The following REEP3 variants were observed in gnomAD, a reference collection of about 807,000 sequenced individuals.
The protein encoded by REEP3 is receptor expression-enhancing protein 3.
A neutral mutation model predicts 41.3 loss-of-function variants in REEP3; 20 were observed. The ratio of observed to expected loss-of-function variants is 0.48; its 90% CI spans 0.34 to 0.70. REEP3 has a LOEUF of 0.70. Ranked by LOEUF, REEP3 falls within the 30% of genes least tolerant of loss-of-function variation. REEP3 has a pLI of 0.01. For synonymous variants in REEP3, 104 were observed against 101.8 expected (o/e 1.02, Z -0.13); for missense variants, 271 against 308.8 (o/e 0.88, Z 0.92).
chr10:63,535,182 A>G (rs1213903399), intron 1 of REEP3, among the ~76,000 whole-genome samples: 1 of 152,162 alleles, frequency 6.6e-6, no homozygotes. Context: ...GCCAAAATAA[A>G]GGGGTCAAGT....
intron 1 of REEP3, among the ~76,000 whole-genome samples, chr10:63,542,615 A>G (rs1955538933): frequency 6.6e-6 from 1 of 152,236 alleles, no homozygotes; most frequent in Admixed American, 6.5e-5. Context: ...TTCCTTTAAA[A>G]CAATCCATTT....
At chr10:63,528,638 G>A (rs1955389153) in intron 1 of REEP3, among the ~76,000 whole-genome samples, 1 of 152,132 alleles carries the variant, frequency 6.6e-6, no homozygotes, top group Non-Finnish European at 1.5e-5. Context: ...TCCTTATGAT[G>A]GTCTACAAAC....
intron 5 of REEP3, chr10:63,599,790 G>T (rs1956156329): frequency 1.7e-6 from 1 of 582,216 alleles, no homozygotes; most frequent in Non-Finnish European, 2.2e-6. Flanking sequence ...AATGTCATTT[G>T]TTGTGTTTGC....
chr10:63,571,336 AG>A (rs1294397382), intron 2 of REEP3, among the ~76,000 whole-genome samples: 1 of 152,232 alleles, frequency 6.6e-6, no homozygotes, highest in African/African-American at 2.4e-5. Context: ...CCTAGAGGTC[AG>A]AAACCTAAAA....
intron 2 of REEP3, among the ~76,000 whole-genome samples, chr10:63,568,607 T>C (rs1477083461): frequency 6.8e-6 from 1 of 147,734 alleles, no homozygotes; most frequent in African/African-American, 2.5e-5. Flanking sequence ...TCACTAGAAA[T>C]AAAGAAATGA....
Position 63,594,811 on chromosome 10 carries a change from C to G in REEP3, c.139C>G (p.Leu47Val), listed in dbSNP as rs747849286. 8 of 1,612,404 alleles carry G rather than the reference C, an allele frequency of 5.0e-6. No individual in the cohort carries two copies. Among genetic ancestry groups the G allele is most frequent in the Non-Finnish European group, 6.8e-6 (8 of 1,178,684 alleles). The change falls in exon 3 of 8, where the codon CTC becomes GTC. Residue 47 changes from leucine to valine, a missense_variant. Physicochemically the swap from Leu to Val is conservative, Grantham distance 32. Coordinates refer to ENST00000373758, the MANE Select transcript of REEP3 (RefSeq NM_001001330.3). ...GATGATGTACTGGATTGTTTTTGCT[C>G]TCTATACTGTGATTGAAACAGTAGC... ...RWMMYWIVFA[L>V]YTVIETVADQ...
intron 6 of REEP3, among the ~76,000 whole-genome samples, chr10:63,612,082 GAACCATC>G (rs1208131107): frequency 1.3e-5 from 2 of 152,092 alleles, no homozygotes; most frequent in Non-Finnish European, 2.9e-5. Flanking sequence ...TGAGAGAGAG[GAACCATC>G]AGTCTTAATA....
In REEP3 at chr10:63,599,869, G is replaced by T. The variant is rs575215975; in HGVS notation, c.417+586G>T. On this transcript the variant is annotated intron_variant, in intron 5 of 7. Transcript: ENST00000373758. Reference sequence around the variant, plus strand: ...ATGGTTTTGGATTTCTTTGCATGTTGTAATTTGTGTGATTTATTTTAAATA... The same window carrying T: ...ATGGTTTTGGATTTCTTTGCATGTTTTAATTTGTGTGATTTATTTTAAATA... 3.9e-5 allele frequency among the ~76,000 whole-genome samples: 6 copies of T among 152,278 alleles called. No individual in the cohort carries two copies. The South Asian group carries it at 1.0e-3, about 26-fold the overall frequency.
In REEP3 at chr10:63,621,887, T is replaced by TG. The variant is rs1956355838; in HGVS notation, c.*1018_*1019insG. 1 of 152,228 alleles carries TG rather than the reference T, an allele frequency of 6.6e-6. No homozygotes were observed. Among genetic ancestry groups the TG allele is most frequent in the Middle Eastern group, 3.2e-3 (1 of 316 alleles). The allele number at this position is 152,228 out of a possible 1,614,324, so 9.4% of individuals were successfully genotyped here. ...GCTTGGCATTGACATGTGCTGCTAG[T>TG]TTATAAACTGGCATTGACGAAAATC... On this transcript the variant is annotated 3_prime_UTR_variant, in exon 8 of 8. Coordinates refer to ENST00000373758, the MANE Select transcript of REEP3 (RefSeq NM_001001330.3).
intron 2 of REEP3, among the ~76,000 whole-genome samples, chr10:63,582,983 GT>G (rs1015223288): frequency 4.6e-5 from 7 of 151,818 alleles, no homozygotes; most frequent in African/African-American, 1.5e-4. Flanking sequence ...TCTTCCTGGA[GT>G]TTTTTTTCTT....
intron 5 of REEP3, among the ~76,000 whole-genome samples, chr10:63,603,717 A>G (rs1045455434): frequency 1.3e-5 from 2 of 152,098 alleles, no homozygotes; most frequent in Non-Finnish European, 2.9e-5. Context: ...CATTATTCTC[A>G]TGAGTACCGG....
intron 1 of REEP3, among the ~76,000 whole-genome samples, chr10:63,528,453 T>G (rs1034572896): frequency 6.6e-6 from 1 of 152,130 alleles, no homozygotes; most frequent in African/African-American, 2.4e-5. Flanking sequence ...CATACACCAT[T>G]CTAGTCCAAG....
intron 5 of REEP3, among the ~76,000 whole-genome samples, chr10:63,601,271 C>T (rs956876015): frequency 6.6e-6 from 1 of 152,132 alleles, no homozygotes; most frequent in African/African-American, 2.4e-5. Context: ...ATGATTTTCA[C>T]CCTCAAGAAC....
At chr10:63,562,814 C>G (rs1179997786) in intron 1 of REEP3, 2 of 409,674 alleles carry the variant, frequency 4.9e-6, no homozygotes, top group Non-Finnish European at 4.9e-6. Flanking sequence ...CTTATTTACT[C>G]TAAAGGTTCA....
At chr10:63,521,926 C>G (rs900693772) in intron 1 of REEP3, 2 of 150,632 alleles carry the variant, frequency 1.3e-5, no homozygotes, top group Admixed American at 6.6e-5. Context: ...TCCTGCTCCC[C>G]GCGCAGCGCG....
chr10:63,540,395 G>A (rs1391045918), intron 1 of REEP3, among the ~76,000 whole-genome samples: 1 of 152,228 alleles, frequency 6.6e-6, no homozygotes, highest in Non-Finnish European at 1.5e-5. Context: ...ATTTGTCAGT[G>A]TGGAGCTTTA....
At chr10:63,605,893 C>G (rs1956220916) in intron 5 of REEP3, among the ~76,000 whole-genome samples, 1 of 152,146 alleles carries the variant, frequency 6.6e-6, no homozygotes, top group Non-Finnish European at 1.5e-5. Flanking sequence ...AGCCCTCCTG[C>G]CCAGTCAGCC....
chr10:63,538,998 A>T (rs1323420605), intron 1 of REEP3, among the ~76,000 whole-genome samples: 2 of 152,200 alleles, frequency 1.3e-5, no homozygotes, highest in African/African-American at 4.8e-5. Flanking sequence ...ATTAGCTAGT[A>T]GATTTGCAGA....
intron 1 of REEP3, among the ~76,000 whole-genome samples, chr10:63,550,077 G>A (rs1173102972): frequency 6.6e-6 from 1 of 152,230 alleles, no homozygotes; most frequent in African/African-American, 2.4e-5. Context: ...AATGTGTTGG[G>A]AAGCTGTTCA....
Sources: allele counts gnomAD v4.1 joint callset (sites outside exome capture counted in the v4.1 genomes callset), GRCh38; gene constraint gnomAD v4.1.1; transcripts MANE v1.5; gene names NCBI Gene and HGNC (gene_info 2026-07-23, HGNC 2026-07-21).